Variants in GNG7 observed in about 807,000 individuals in gnomAD.
GNG7 encodes the protein G protein subunit gamma 7, also known as guanine nucleotide-binding protein G(I)/G(S)/G(O) subunit gamma-7.
GNG7 carries 1 observed loss-of-function variant against 4.0 expected under a neutral mutation model. The ratio of observed to expected loss-of-function variants is 0.25; its 90% CI spans 0.09 to 1.18. The LOEUF is 1.18. GNG7 is among the 50% of genes most tolerant of loss of function. GNG7 has a pLI of 0.50. For missense variants in GNG7, 86 were observed against 91.9 expected (o/e 0.94, Z 0.26); for synonymous variants, 34 against 36.9 (o/e 0.92, Z 0.29).
intron 4 of GNG7, among the ~76,000 whole-genome samples, chr19:2,518,402 A>G (rs1022597863): frequency 7.2e-5 from 11 of 152,176 alleles, no homozygotes; most frequent in African/African-American, 2.7e-4. Context: ...AGCCCGAAGG[A>G]ATGCTTTGAA....
chr19:2,571,885 T>C (rs1282007289), intron 2 of GNG7, among the ~76,000 whole-genome samples: 1 of 152,002 alleles, frequency 6.6e-6, no homozygotes, highest in Non-Finnish European at 1.5e-5. Context: ...TGTGAGCCAC[T>C]GCGCCCGGCC....
chr19:2,559,821 C>T (rs144720470), intron 2 of GNG7, among the ~76,000 whole-genome samples: 2 of 99,844 alleles, frequency 2.0e-5, no homozygotes, highest in East Asian at 5.7e-4. Flanking sequence ...TCAAAGGTGT[C>T]TTCTTGAATG....
rs1364687240 is a variant in GNG7 at position 2,661,211 on chromosome 19, CA to C, written c.-134-14932del. On this transcript the variant is annotated intron_variant, in intron 1 of 4. Coordinates refer to ENST00000382159, the MANE Select transcript of GNG7 (RefSeq NM_052847.3). ...GGGCAACAAGAGCAAAACTCTGTCT[CA>C]AAAAAAAAAAAAAGAAAAGGAAAGA... 3.0e-3 allele frequency among the ~76,000 whole-genome samples: 70 copies of C among 23,512 alleles called. 1 individual carries two copies. Among genetic ancestry groups the C allele is most frequent in the East Asian group, 7.1e-3 (6 of 844 alleles). The allele number at this position is 23,512 out of a possible 152,430, so 15.4% of individuals were successfully genotyped here.
At chr19:2,683,139 T>G (rs1333374683) in intron 1 of GNG7, among the ~76,000 whole-genome samples, 10 of 151,836 alleles carry the variant, frequency 6.6e-5, no homozygotes, top group Non-Finnish European at 1.3e-4. Context: ...CTCGGGACGC[T>G]GAGGCACGAG....
chr19:2,537,348 C>T lies in GNG7; in HGVS notation c.-37-16623G>A, dbSNP rs781146732. Among the ~76,000 whole-genome samples, 25 of 152,098 alleles carry T rather than the reference C, an allele frequency of 1.6e-4. No individual in the cohort carries two copies. The East Asian group carries it at 1.7e-3, about 11-fold the overall frequency. On this transcript the variant is annotated intron_variant, in intron 3 of 4. Coordinates refer to ENST00000382159, the MANE Select transcript of GNG7 (RefSeq NM_052847.3). ...GCAGCCTCCAACTCCCGGGCTCAAG[C>T]GATCCTCCTGCCTGGGCCTCCTGAG...
intron 3 of GNG7, among the ~76,000 whole-genome samples, chr19:2,533,953 C>G (rs1413131040): frequency 6.6e-6 from 1 of 152,114 alleles, no homozygotes; most frequent in African/African-American, 2.4e-5. Flanking sequence ...TCCAACCAAC[C>G]CACAACAGAA....
intron 1 of GNG7, among the ~76,000 whole-genome samples, chr19:2,646,785 G>C (rs938294463): frequency 1.3e-5 from 2 of 152,202 alleles, no homozygotes. Flanking sequence ...TTTTCCACGT[G>C]TTTGAAAACT....
At chr19:2,667,195 G>A (rs370325199) in intron 1 of GNG7, among the ~76,000 whole-genome samples, 143 of 152,232 alleles carry the variant, frequency 9.4e-4, no homozygotes, top group Admixed American at 1.6e-3. Context: ...AAGGTGCTGC[G>A]CCTGTAATCC....
At chr19:2,596,662 C>T (rs759479880) in intron 2 of GNG7, among the ~76,000 whole-genome samples, 15 of 112,212 alleles carry the variant, frequency 1.3e-4, no homozygotes, top group Non-Finnish European at 2.3e-4. Context: ...AAGTGAGACC[C>T]TGTCCCCCCC....
intron 2 of GNG7, among the ~76,000 whole-genome samples, chr19:2,597,768 C>T (rs1343292928): frequency 2.7e-5 from 4 of 150,580 alleles, no homozygotes; most frequent in South Asian, 2.1e-4. Context: ...TGGTGGCGGG[C>T]GCCTGTAGTG....
At chr19:2,663,491 A>C (rs1261511337) in intron 1 of GNG7, among the ~76,000 whole-genome samples, 1 of 152,198 alleles carries the variant, frequency 6.6e-6, no homozygotes, top group Non-Finnish European at 1.5e-5. Flanking sequence ...GTTAAGAAAC[A>C]AATCTCTATT....
chr19:2,681,603 G>A (rs995417715), intron 1 of GNG7, among the ~76,000 whole-genome samples: 3 of 152,094 alleles, frequency 2.0e-5, no homozygotes, highest in Non-Finnish European at 4.4e-5. Flanking sequence ...GTGGACATAC[G>A]CTTTCACTTC....
intron 2 of GNG7, among the ~76,000 whole-genome samples, chr19:2,636,543 G>A (rs1237370873): frequency 2.0e-5 from 3 of 152,246 alleles, no homozygotes; most frequent in East Asian, 3.9e-4. Flanking sequence ...TCTCTGGTCC[G>A]AGCTCTGCTC....
At chr19:2,677,148 C>T (rs977705001) in intron 1 of GNG7, among the ~76,000 whole-genome samples, 10 of 152,110 alleles carry the variant, frequency 6.6e-5, no homozygotes, top group African/African-American at 2.2e-4. Context: ...GATCTGGGAA[C>T]GTCCTCTGGA....
intron 3 of GNG7, among the ~76,000 whole-genome samples, chr19:2,526,585 C>A (rs1226888493): frequency 6.7e-6 from 1 of 148,502 alleles, no homozygotes; most frequent in Non-Finnish European, 1.5e-5. Context: ...ACTATATATT[C>A]ATATCAGTTT....
intron 2 of GNG7, 36 bp from the exon 3 acceptor site, chr19:2,555,224 G>A (rs1475784090): frequency 1.3e-5 from 2 of 152,138 alleles, no homozygotes; most frequent in Non-Finnish European, 2.9e-5. Flanking sequence ...GAAAAGCATG[G>A]TTACATATTT....
At chr19:2,687,579 G>C (rs979929851) in intron 1 of GNG7, among the ~76,000 whole-genome samples, 1 of 152,118 alleles carries the variant, frequency 6.6e-6, no homozygotes, top group Non-Finnish European at 1.5e-5. Flanking sequence ...TCGCACCATT[G>C]CACTCCAGCC....
chr19:2,654,129 T>G (rs1599444009), intron 1 of GNG7, among the ~76,000 whole-genome samples: 1 of 150,680 alleles, frequency 6.6e-6, no homozygotes, highest in Non-Finnish European at 1.5e-5. Context: ...CAGAGGAAGG[T>G]CTTTATTTAG....
chr19:2,696,302 G>GAA (rs1298670040), intron 1 of GNG7, among the ~76,000 whole-genome samples: 1 of 111,130 alleles, frequency 9.0e-6, no homozygotes, highest in Non-Finnish European at 1.9e-5. Flanking sequence ...GAGAAAGAAA[G>GAA]AAAGAAAGAA....
Sources: gnomAD v4.1 joint callset for allele counts (sites outside exome capture counted in the v4.1 genomes callset) on GRCh38, gnomAD v4.1.1 for gene constraint, MANE v1.5 for transcripts, NCBI Gene and HGNC (gene_info 2026-07-23, HGNC 2026-07-21) for gene names.